PHF6: variants seen among roughly 807,000 people sequenced by gnomAD.
PHF6 encodes the protein PHD finger protein 6, also known as PHD-like zinc finger protein.
Under a neutral mutation model 34.0 loss-of-function variants are expected in PHF6, and 7 were observed. That is an observed-to-expected ratio of 0.21 (90% CI 0.12 to 0.39). The LOEUF is 0.39. Among genes scored for constraint, PHF6 ranks in the 10% least tolerant of loss-of-function variants. The probability of loss-of-function intolerance (pLI) is 1.00; values close to 1 mark genes in which losing one functional copy is unlikely to be tolerated. For missense variants in PHF6, 128 were observed against 262.8 expected, an observed-to-expected ratio of 0.49 and a Z score of 3.55; for synonymous variants, 89 against 88.4, an observed-to-expected ratio of 1.01 and a Z score of -0.04.
At chrX:134,384,366 G>A (rs1360926417) in intron 3 of PHF6, among the ~76,000 whole-genome samples, 2 of 111,637 alleles carry the variant, frequency 1.8e-5, no homozygotes, top group Non-Finnish European at 3.8e-5. Context: ...GGATGGGGAA[G>A]GGTAAAAGCA....
chrX:134,405,146 A>C (rs959436297), intron 5 of PHF6, among the ~76,000 whole-genome samples: 2 of 111,768 alleles, frequency 1.8e-5, no homozygotes, highest in African/African-American at 3.3e-5. Context: ...TTTGTACTTT[A>C]ACCTGGAAAA....
intron 3 of PHF6, among the ~76,000 whole-genome samples, chrX:134,391,839 A>G (rs1569337913): frequency 8.9e-6 from 1 of 111,776 alleles, no homozygotes; most frequent in Non-Finnish European, 1.9e-5. Context: ...TTTCTTTAAT[A>G]TAATAGAACT....
chrX:134,397,805 A>C (rs2124225738), intron 5 of PHF6, among the ~76,000 whole-genome samples: 1 of 112,104 alleles, frequency 8.9e-6, no homozygotes, highest in Non-Finnish European at 1.9e-5. Context: ...AGATATAGGG[A>C]TAAATTAGAT....
chrX:134,393,122 CT>C (rs921911618), intron 3 of PHF6, among the ~76,000 whole-genome samples: 29 of 110,700 alleles, frequency 2.6e-4, no homozygotes, highest in Non-Finnish European at 4.5e-4. Context: ...TTAAGGAAAA[CT>C]TTTTTTTTCT....
chrX:134,403,048 C>G (rs1282474103), intron 5 of PHF6, among the ~76,000 whole-genome samples: 1 of 111,363 alleles, frequency 9.0e-6, no homozygotes, highest in Non-Finnish European at 1.9e-5. Flanking sequence ...GAAATTAGAC[C>G]AATTAATAAC....
chrX:134,384,853 G>A lies in PHF6; in HGVS notation c.240+6747G>A, dbSNP rs754258348. Among the ~76,000 whole-genome samples the A allele has an allele frequency of 3.3e-3, 360 of 110,323 alleles. 4 individuals carry two copies. Among genetic ancestry groups the A allele is most frequent in the African/African-American group, 0.011 (341 of 30,374 alleles). ...TTTTTAGTAGAGACGCGGTTTCACC[G>A]TGTTAGCCAGGATGGTCTTGATCTC... On this transcript the variant is annotated intron_variant, in intron 3 of 10. Transcript: ENST00000370803.
At position 134,382,648 on chromosome X, in the gene PHF6, A is replaced by C. The variant is rs770253047; in HGVS notation, c.240+4542A>C. On this transcript the variant is annotated intron_variant, in intron 3 of 10. Coordinates refer to ENST00000370803, the MANE Select transcript of PHF6 (RefSeq NM_001015877.2). ...CAGTGACATGATCTCGGCTCACTGCAACTCCGCCTCCCAGGTTCAAGCAAT... is the reference window on the plus strand; with the variant it reads ...CAGTGACATGATCTCGGCTCACTGCCACTCCGCCTCCCAGGTTCAAGCAAT... 6.8e-5 allele frequency among the ~76,000 whole-genome samples: 7 copies of C among 102,708 alleles called. No homozygotes were observed. In the South Asian group the frequency reaches 3.3e-3, roughly 48 times the overall value. The allele number at this position is 102,708 out of a possible 115,157, so 89.2% of individuals were successfully genotyped here. A position where few individuals can be genotyped will look rare whatever the true frequency, so the allele number is the denominator to read the frequency against.
intron 5 of PHF6, among the ~76,000 whole-genome samples, chrX:134,412,272 G>A (rs964153785): frequency 8.9e-6 from 1 of 111,767 alleles, no homozygotes; most frequent in Non-Finnish European, 1.9e-5. Flanking sequence ...AGTCCCACCA[G>A]AGCTATGTGA....
chrX:134,399,698 C>G (rs904317163), intron 5 of PHF6, among the ~76,000 whole-genome samples: 10 of 109,325 alleles, frequency 9.1e-5, no homozygotes, highest in African/African-American at 3.4e-4. Flanking sequence ...CACACACACA[C>G]ACACACACAC....
At chrX:134,424,122 GAAAA>G (rs747841603) in intron 9 of PHF6, among the ~76,000 whole-genome samples, 2 of 103,370 alleles carry the variant, frequency 1.9e-5, no homozygotes, top group African/African-American at 7.1e-5. Flanking sequence ...AAAAAAAAAA[GAAAA>G]AAAAAACTGA....
chrX:134,406,094 CTTTCTTTCTTTCTTTCT>C (rs1361053122), intron 5 of PHF6, among the ~76,000 whole-genome samples: 10 of 99,153 alleles, frequency 1.0e-4, no homozygotes, highest in African/African-American at 3.0e-4. Flanking sequence ...TTCTTTCTTT[CTTTCTTTCTTTCTTTCT>C]TTTTTTTTTT....
rs953722930 is a variant in PHF6 at position 134,393,668 on chromosome X, T to A, written c.374+34T>A. 1.1e-5 allele frequency: 13 copies of A among 1,138,455 alleles called. No individual in the cohort carries two copies. The Admixed American group carries it at 2.1e-4, about 18-fold the overall frequency. The allele number at this position is 1,138,455 out of a possible 1,213,427, so 93.8% of individuals were successfully genotyped here. A position where few individuals can be genotyped will look rare whatever the true frequency, so the allele number is the denominator to read the frequency against. On this transcript the variant is annotated intron_variant, in intron 4 of 10. Transcript: ENST00000370803. ...TTAACTTCTCTTTAAGTTTTTTTTT[T>A]AACAATAATACTTTCTTTGGGCTTT...
chrX:134,406,736 T>C (rs1367857450), intron 5 of PHF6, among the ~76,000 whole-genome samples: 1 of 112,090 alleles, frequency 8.9e-6, no homozygotes, highest in Non-Finnish European at 1.9e-5. Flanking sequence ...GACAACCCTA[T>C]TTTGTCGCCT....
In PHF6 at chrX:134,426,598, A is replaced by G. The variant is rs1278607940; in HGVS notation, c.*938A>G. On this transcript the variant is annotated 3_prime_UTR_variant, in exon 11 of 11. Coordinates refer to ENST00000370803, the MANE Select transcript of PHF6 (RefSeq NM_001015877.2). ...ATTTATTTTTACTTTTGTGACCACTATTTTAGAAACTTTATTTAATATTTT... is the reference window on the plus strand; with the variant it reads ...ATTTATTTTTACTTTTGTGACCACTGTTTTAGAAACTTTATTTAATATTTT... The G allele has an allele frequency of 1.9e-5, 3 of 158,496 alleles. No individual in the cohort carries two copies. Among genetic ancestry groups the G allele is most frequent in the Non-Finnish European group, 3.7e-5 (3 of 81,482 alleles). 13.1% of individuals were successfully genotyped at this position (158,496 alleles called of 1,213,427 possible).
At chrX:134,424,046 C>T (rs2077500284) in intron 9 of PHF6, among the ~76,000 whole-genome samples, 1 of 107,637 alleles carries the variant, frequency 9.3e-6, no homozygotes, top group African/African-American at 3.4e-5. Flanking sequence ...ACCAACATGG[C>T]ACATGTATAC....
intron 10 of PHF6, 76 bp from the exon 11 acceptor site, chrX:134,425,585 A>G: frequency 2.9e-6 from 1 of 349,721 alleles, no homozygotes; most frequent in South Asian, 4.6e-5. Flanking sequence ...AGATATTCAC[A>G]CTCCTCAATA....
intron 9 of PHF6, chrX:134,420,228 C>T (rs1005699658): frequency 9.4e-6 from 1 of 106,731 alleles, no homozygotes; most frequent in Non-Finnish European, 1.9e-5. Flanking sequence ...GCTGGCAGAT[C>T]ACGAGGTCAG....
At chrX:134,421,813 TA>T (rs199852581) in intron 9 of PHF6, among the ~76,000 whole-genome samples, 167 of 99,135 alleles carry the variant, frequency 1.7e-3, no homozygotes, top group Middle Eastern at 5.0e-3. Context: ...TTGCTTTCTT[TA>T]AAAAAAAAAA....
intron 5 of PHF6, among the ~76,000 whole-genome samples, chrX:134,411,825 C>T (rs1190398933): frequency 1.8e-5 from 2 of 111,335 alleles, no homozygotes; most frequent in African/African-American, 3.3e-5. Context: ...CTCCGCCTCC[C>T]GGGTTCAAGC....
Sources: gnomAD v4.1 joint callset for allele counts (sites outside exome capture counted in the v4.1 genomes callset) on GRCh38, gnomAD v4.1.1 for gene constraint, MANE v1.5 for transcripts, NCBI Gene and HGNC (gene_info 2026-07-23, HGNC 2026-07-21) for gene names.